Variants in TTC7B observed in about 807,000 individuals in gnomAD.
The protein encoded by TTC7B is tetratricopeptide repeat domain 7B.
A neutral mutation model predicts 106.8 loss-of-function variants in TTC7B; 28 were observed. The ratio of observed to expected loss-of-function variants is 0.26; its 90% confidence interval spans 0.19 to 0.36. The LOEUF is 0.36. Ranked by LOEUF, TTC7B falls within the 10% of genes least tolerant of loss-of-function variation. The pLI, the probability that TTC7B is intolerant of heterozygous loss-of-function variation, is 1.00. For synonymous variants in TTC7B, 405 were observed against 430.6 expected (o/e 0.94, Z 0.74); for missense variants, 862 against 1,076.4 (o/e 0.80, Z 2.79).
intron 3 of TTC7B, among the ~76,000 whole-genome samples, chr14:90,748,708 C>A (rs1285070752): frequency 2.0e-5 from 3 of 152,170 alleles, no homozygotes; most frequent in Non-Finnish European, 4.4e-5. Flanking sequence ...TCTCCCCTCC[C>A]AGCCTTTATT....
At chr14:90,803,725 G>A (rs1431784261) in intron 1 of TTC7B, among the ~76,000 whole-genome samples, 1 of 152,094 alleles carries the variant, frequency 6.6e-6, no homozygotes, top group Non-Finnish European at 1.5e-5. Flanking sequence ...ACAGCGCAGA[G>A]GCTAGAAGAA....
chr14:90,784,228 T>C (rs544435195), intron 2 of TTC7B, among the ~76,000 whole-genome samples: 1 of 152,084 alleles, frequency 6.6e-6, no homozygotes, highest in Admixed American at 6.6e-5. Flanking sequence ...GACCTACCCC[T>C]GTGTCCACCT....
chr14:90,620,758 C>T (rs1344868124), intron 15 of TTC7B, among the ~76,000 whole-genome samples: 1 of 152,232 alleles, frequency 6.6e-6, no homozygotes, highest in Admixed American at 6.5e-5. Flanking sequence ...GGACAGAATG[C>T]CAGAGTGCGT....
chr14:90,606,114 G>A (rs1167916242), intron 17 of TTC7B, among the ~76,000 whole-genome samples: 3 of 152,162 alleles, frequency 2.0e-5, no homozygotes, highest in Non-Finnish European at 1.5e-5. Context: ...AAAGGGTTAG[G>A]ACTTGACTTT....
chr14:90,682,869 T>C (rs1887110228), intron 7 of TTC7B, among the ~76,000 whole-genome samples: 1 of 152,206 alleles, frequency 6.6e-6, no homozygotes, highest in South Asian at 2.1e-4. Context: ...ACCAACTCAC[T>C]GGGTGACCTT....
At chr14:90,738,964 G>T (rs564211601) in intron 4 of TTC7B, among the ~76,000 whole-genome samples, 55 of 152,224 alleles carry the variant, frequency 3.6e-4, no homozygotes, top group Non-Finnish European at 7.2e-4. Context: ...GGTTAAAGCT[G>T]CAGTGAGCCA....
intron 8 of TTC7B, among the ~76,000 whole-genome samples, chr14:90,678,701 G>T (rs1009895435): frequency 2.6e-5 from 4 of 152,184 alleles, no homozygotes; most frequent in Non-Finnish European, 5.9e-5. Context: ...GGATCTCAAT[G>T]TTTGAGTATT....
chr14:90,578,364 A>C lies in TTC7B; in HGVS notation c.2108-56T>G. ...CCTGGTGCCCCTCTGAGGCCCTGCG[A>C]GCAGCCACCACTCTGATGTTCGTGT... is the stretch of plus-strand genomic sequence containing the variant. On this transcript the variant is annotated intron_variant, in intron 18 of 19. Coordinates refer to ENST00000328459, the MANE Select transcript of TTC7B (RefSeq NM_001010854.2). The surrounding 1 kb of genome is among the most constrained non-coding windows in gnomAD (Gnocchi z 4.7). The C allele has an allele frequency of 6.5e-7, 1 of 1,548,704 alleles. No homozygotes were observed. The highest frequency in any genetic ancestry group is 8.8e-7 in the Non-Finnish European group (1 of 1,135,152).
At position 90,816,164 on chromosome 14, in the gene TTC7B, C is replaced by T; in HGVS notation, c.121+11G>A. On this transcript the variant is annotated intron_variant, in intron 1 of 19. Transcript: ENST00000328459. ...CCCCCCGCAGCCCAGGCCGGCGCGC[C>T]CGGAGCGTACCGTTGGCGATGAGCT... 8.1e-7 allele frequency: 1 copy of T among 1,230,160 alleles called. No individual in the cohort carries two copies. Among genetic ancestry groups the T allele is most frequent in the Middle Eastern group, 2.5e-4 (1 of 4,024 alleles). 76.2% of individuals were successfully genotyped at this position (1,230,160 alleles called of 1,614,324 possible).
At position 90,662,857 on chromosome 14, in the gene TTC7B, A is replaced by G. The variant is rs1886264371; in HGVS notation, c.1153-4470T>C. Among the ~76,000 whole-genome samples the G allele has an allele frequency of 2.0e-5, 3 of 152,218 alleles. 1 individual carries two copies. The East Asian group carries it at 5.8e-4, about 29-fold the overall frequency. The stretch of plus-strand genomic sequence containing the variant: ...AAACACAACAAATTGTATCATACCT[A>G]TCACTTTACCCAGATTCAATGTATG... On this transcript the variant is annotated intron_variant, in intron 9 of 19. Coordinates refer to ENST00000328459, the MANE Select transcript of TTC7B (RefSeq NM_001010854.2).
At chr14:90,728,850 C>A (rs1889214550) in intron 5 of TTC7B, among the ~76,000 whole-genome samples, 1 of 152,230 alleles carries the variant, frequency 6.6e-6, no homozygotes, top group African/African-American at 2.4e-5. Context: ...TCCGTGATGA[C>A]CACCATTTAT....
chr14:90,535,008 A>G lies in TTC7B; in HGVS notation c.*6360T>C, dbSNP rs540074260. On this transcript the variant is annotated 3_prime_UTR_variant, in exon 20 of 20. Coordinates refer to ENST00000328459, the MANE Select transcript of TTC7B (RefSeq NM_001010854.2). ...TGATCACAGACACGCCCACCTGTGC[A>G]CGAGCATGCACCTCCCCCAGGCCAT... 3.3e-5 allele frequency: 5 copies of G among 152,352 alleles called. No individual in the cohort carries two copies. In the East Asian group the frequency reaches 9.7e-4, roughly 30 times the overall value. The allele number at this position is 152,352 out of a possible 1,614,324, so 9.4% of individuals were successfully genotyped here.
intron 19 of TTC7B, among the ~76,000 whole-genome samples, chr14:90,560,742 T>C (rs1890538405): frequency 6.6e-6 from 1 of 152,214 alleles, no homozygotes; most frequent in South Asian, 2.1e-4. Context: ...AACTGGGCTG[T>C]GTCCATGTCA....
chr14:90,730,972 G>T (rs906547127), intron 4 of TTC7B, among the ~76,000 whole-genome samples: 1 of 152,174 alleles, frequency 6.6e-6, no homozygotes, highest in African/African-American at 2.4e-5. Flanking sequence ...CTGAGACAGA[G>T]TCTCGCTCTG....
At chr14:90,597,951 T>G (rs1031237217) in intron 17 of TTC7B, among the ~76,000 whole-genome samples, 1 of 152,224 alleles carries the variant, frequency 6.6e-6, no homozygotes, top group Non-Finnish European at 1.5e-5. Flanking sequence ...ATATTTCCAA[T>G]TTGAAATCCA....
At position 90,541,199 on chromosome 14, in the gene TTC7B, T is replaced by C. The variant is rs1889564005; in HGVS notation, c.*169A>G. 5.5e-6 allele frequency: 3 copies of C among 543,952 alleles called. No individual in the cohort carries two copies. The Admixed American group carries it at 1.0e-4, about 18-fold the overall frequency. 33.7% of individuals were successfully genotyped at this position (543,952 alleles called of 1,614,324 possible). ...GCAAAAAAAACAAGAGAAACGCACATGGCGAGAGCGATGATTCGGGGTTGG... is the reference window on the plus strand; with the variant it reads ...GCAAAAAAAACAAGAGAAACGCACACGGCGAGAGCGATGATTCGGGGTTGG... On this transcript the variant is annotated 3_prime_UTR_variant, in exon 20 of 20. Coordinates refer to ENST00000328459, the MANE Select transcript of TTC7B (RefSeq NM_001010854.2).
At chr14:90,649,387 G>A (rs1247362389) in intron 13 of TTC7B, among the ~76,000 whole-genome samples, 1 of 152,188 alleles carries the variant, frequency 6.6e-6, no homozygotes, top group Non-Finnish European at 1.5e-5. Flanking sequence ...AGCAACTTCA[G>A]CAGCTAAGCT....
Position 90,747,261 on chromosome 14 carries a change from G to A in TTC7B, c.446-2339C>T, listed in dbSNP as rs550699074. Among the ~76,000 whole-genome samples, 16 of 152,290 alleles carry A rather than the reference G, an allele frequency of 1.1e-4. No homozygotes were observed. In the East Asian group the frequency reaches 2.9e-3, roughly 28 times the overall value. On this transcript the variant is annotated intron_variant, in intron 3 of 19. Coordinates refer to ENST00000328459, the MANE Select transcript of TTC7B (RefSeq NM_001010854.2). ...TATTTCAAAAGTACTGTCACACTCC[G>A]TTGCAGGGAGAATTAAGCACTGTCT...
intron 2 of TTC7B, among the ~76,000 whole-genome samples, chr14:90,783,192 T>A (rs896261344): frequency 5.3e-5 from 8 of 152,218 alleles, no homozygotes; most frequent in Admixed American, 3.9e-4. Context: ...TTGCCTTGAA[T>A]CACAAGCCAG....
Sources: allele counts gnomAD v4.1 joint callset (sites outside exome capture counted in the v4.1 genomes callset), GRCh38; gene constraint gnomAD v4.1.1; non-coding constraint Gnocchi (gnomAD v3.1); transcripts MANE v1.5; gene names NCBI Gene and HGNC (gene_info 2026-07-23, HGNC 2026-07-21).